Variants in ARPP21 observed in about 807,000 individuals in gnomAD.
ARPP21 encodes the protein cAMP regulated phosphoprotein 21.
Under a neutral mutation model 113.2 loss-of-function variants are expected in ARPP21, and 69 were observed. That is an observed-to-expected ratio of 0.61 (90% CI 0.50 to 0.74). The LOEUF is 0.74. Among genes scored for constraint, ARPP21 ranks in the 30% least tolerant of loss-of-function variants. The probability of loss-of-function intolerance (pLI) is 0.00; values close to 1 mark genes in which losing one functional copy is unlikely to be tolerated. For synonymous variants in ARPP21, 368 were observed against 375.5 expected (o/e 0.98, Z 0.23); for missense variants, 1,070 against 1,037.4 (o/e 1.03, Z -0.43).
chr3:35,756,637 A>C (rs542339689), intron 19 of ARPP21, among the ~76,000 whole-genome samples: 1 of 152,142 alleles, frequency 6.6e-6, no homozygotes, highest in African/African-American at 2.4e-5. Context: ...CATGATTCCC[A>C]CACTGTTTTT....
intron 19 of ARPP21, among the ~76,000 whole-genome samples, chr3:35,786,200 C>G (rs1203589252): frequency 6.6e-6 from 1 of 152,012 alleles, no homozygotes; most frequent in Non-Finnish European, 1.5e-5. Flanking sequence ...ATAATGTCTC[C>G]AGTCTAGTCT....
At chr3:35,717,432 C>T (rs1313069128) in intron 13 of ARPP21, 75 bp downstream of exon 13, 3 of 910,428 alleles carry the variant, frequency 3.3e-6, no homozygotes, top group African/African-American at 1.7e-5. Context: ...TATTAGTGTA[C>T]TCGTGTAAAA....
intron 19 of ARPP21, among the ~76,000 whole-genome samples, chr3:35,767,101 A>G (rs1332535129): frequency 6.6e-6 from 1 of 152,178 alleles, no homozygotes; most frequent in Non-Finnish European, 1.5e-5. Flanking sequence ...CCTGCCATGC[A>G]TGAGATGGAG....
intron 10 of ARPP21, among the ~76,000 whole-genome samples, chr3:35,708,727 C>T (rs909479762): frequency 1.3e-5 from 2 of 152,206 alleles, no homozygotes; most frequent in East Asian, 1.9e-4. Context: ...TTTGGAAACA[C>T]CTGTGCTACT....
intron 19 of ARPP21, among the ~76,000 whole-genome samples, chr3:35,787,396 A>G (rs1004507648): frequency 6.6e-6 from 1 of 152,226 alleles, no homozygotes; most frequent in Admixed American, 6.5e-5. Context: ...GAATAAATAT[A>G]GTCTCTTCAA....
At chr3:35,677,375 T>C (rs181134728) in intron 1 of ARPP21, among the ~76,000 whole-genome samples, 331 of 152,002 alleles carry the variant, frequency 2.2e-3, no homozygotes, top group African/African-American at 7.6e-3. Context: ...GCATTTTGCC[T>C]TTGTTCTCCC....
chr3:35,697,129 TC>T (rs1403440189), intron 9 of ARPP21, among the ~76,000 whole-genome samples: 1 of 151,636 alleles, frequency 6.6e-6, no homozygotes, highest in Non-Finnish European at 1.5e-5. Context: ...GTTTAACTCA[TC>T]CCAGATAATT....
chr3:35,736,856 C>A (rs2094385316), intron 15 of ARPP21, among the ~76,000 whole-genome samples: 1 of 152,198 alleles, frequency 6.6e-6, no homozygotes, highest in East Asian at 1.9e-4. Context: ...AGCAAAACAT[C>A]TAGCTTTGTG....
At chr3:35,774,504 C>G (rs2096295633) in intron 19 of ARPP21, among the ~76,000 whole-genome samples, 1 of 152,162 alleles carries the variant, frequency 6.6e-6, no homozygotes, top group South Asian at 2.1e-4. Context: ...CCTCCCTCTT[C>G]TACCCCCTTT....
intron 15 of ARPP21, among the ~76,000 whole-genome samples, chr3:35,732,763 T>C (rs1249676186): frequency 6.6e-6 from 1 of 152,214 alleles, no homozygotes; most frequent in East Asian, 1.9e-4. Context: ...TGCAGTGACT[T>C]CACTTTGAGG....
intron 19 of ARPP21, among the ~76,000 whole-genome samples, chr3:35,772,312 T>C (rs950067356): frequency 6.6e-6 from 1 of 152,212 alleles, no homozygotes. Flanking sequence ...ATTGTCCTAA[T>C]AAAACAGTTC....
intron 19 of ARPP21, among the ~76,000 whole-genome samples, chr3:35,747,271 C>T (rs2095118972): frequency 6.7e-6 from 1 of 150,020 alleles, no homozygotes; most frequent in Non-Finnish European, 1.5e-5. Context: ...AGGAGAATCG[C>T]TTGAACCTGG....
At chr3:35,760,987 T>A (rs1458006364) in intron 19 of ARPP21, among the ~76,000 whole-genome samples, 2 of 152,120 alleles carry the variant, frequency 1.3e-5, no homozygotes, top group Non-Finnish European at 2.9e-5. Context: ...TTTCCCTGAC[T>A]GTAACAGATT....
intron 1 of ARPP21, among the ~76,000 whole-genome samples, chr3:35,675,568 A>C (rs555966502): frequency 1.3e-5 from 2 of 152,024 alleles, no homozygotes; most frequent in East Asian, 3.9e-4. Context: ...TTCCAGGACC[A>C]TATCCAGGGT....
chr3:35,776,044 C>T (rs1201364907), intron 19 of ARPP21, among the ~76,000 whole-genome samples: 1 of 151,824 alleles, frequency 6.6e-6, no homozygotes, highest in Non-Finnish European at 1.5e-5. Context: ...TCCCTAAAGC[C>T]CAACATTTCA....
chr3:35,697,090 T>C (rs569450518), intron 9 of ARPP21, among the ~76,000 whole-genome samples: 1 of 151,632 alleles, frequency 6.6e-6, no homozygotes, highest in African/African-American at 2.4e-5. Flanking sequence ...ATGTATTATC[T>C]GAATGTTTTT....
Position 35,713,398 on chromosome 3 carries a change from TA to T in ARPP21, c.898-2040del, listed in dbSNP as rs201417554. Reference sequence around the variant, plus strand: ...ATACTTGAGATATTATTGGGTAAGGTATTTTTTTTTTATTTTTTTGAGACAA... The same window carrying T: ...ATACTTGAGATATTATTGGGTAAGGTTTTTTTTTTTATTTTTTTGAGACAA... On this transcript the variant is annotated intron_variant, in intron 11 of 20. Transcript: ENST00000684406. Among the ~76,000 whole-genome samples the T allele has an allele frequency of 4.5e-3, 677 of 151,950 alleles. 2 individuals are homozygous for T. Among genetic ancestry groups the T allele is most frequent in the African/African-American group, 0.015 (640 of 41,368 alleles).
intron 1 of ARPP21, among the ~76,000 whole-genome samples, chr3:35,646,306 T>G (rs1310350368): frequency 1.3e-5 from 2 of 152,166 alleles, no homozygotes; most frequent in East Asian, 1.9e-4. Context: ...AGTTCTAACA[T>G]AGAGAGATAA....
intron 15 of ARPP21, among the ~76,000 whole-genome samples, chr3:35,731,976 T>G (rs1188846526): frequency 2.6e-5 from 4 of 152,146 alleles, no homozygotes; most frequent in Non-Finnish European, 5.9e-5. Flanking sequence ...TTGTTGCTTC[T>G]CCAGAATGGA....
Sources: allele counts gnomAD v4.1 joint callset (sites outside exome capture counted in the v4.1 genomes callset), GRCh38; gene constraint gnomAD v4.1.1; transcripts MANE v1.5; gene names NCBI Gene and HGNC (gene_info 2026-07-23, HGNC 2026-07-21).